The following TRIB1 variants were observed in gnomAD, a reference collection of about 807,000 sequenced individuals.
The protein encoded by TRIB1 is tribbles homolog 1.
In TRIB1, 12 loss-of-function variants were observed where a neutral mutation model predicts 27.8. The ratio of observed to expected loss-of-function variants is 0.43; its 90% CI spans 0.28 to 0.70. TRIB1 has a LOEUF of 0.70. TRIB1 is among the 30% of genes least tolerant of loss of function. The pLI, the probability that TRIB1 is intolerant of heterozygous loss-of-function variation, is 0.18. For missense variants in TRIB1, 475 were observed against 515.8 expected, an observed-to-expected ratio of 0.92 and a Z score of 0.77; for synonymous variants, 230 against 224.9, an observed-to-expected ratio of 1.02 and a Z score of -0.20.
Position 125,436,746 on chromosome 8 carries a change from G to A in TRIB1, c.*275G>A. 1 of 524,506 alleles carries A rather than the reference G, an allele frequency of 1.9e-6. No individual in the cohort carries two copies. The highest frequency in any genetic ancestry group is 3.3e-5 in the East Asian group (1 of 30,578). 32.5% of individuals were successfully genotyped at this position (524,506 alleles called of 1,614,324 possible). A position where few individuals can be genotyped will look rare whatever the true frequency, so the allele number is the denominator to read the frequency against. ...TTGGGAGTTCCGCATCTTTTGTGGA[G>A]GGCAGAGTATGGACATCTTACACCC... is the stretch of plus-strand genomic sequence containing the variant. On this transcript the variant is annotated 3_prime_UTR_variant, in exon 3 of 3. Transcript: ENST00000311922.
At position 125,430,914 on chromosome 8, in the gene TRIB1, T is replaced by G; in HGVS notation, c.12T>G (p.Gly4=). Residue 4 remains glycine, a synonymous_variant, in exon 1 of 3, where the codon GGT becomes GGG. Transcript: ENST00000311922. MRV[G]PVRSAMSGAS... Reference sequence around the variant, plus strand: ...CGGCCCAGGACGGGATGCGGGTCGGTCCGGTGCGCTCTGCCATGAGCGGCG... The same window carrying G: ...CGGCCCAGGACGGGATGCGGGTCGGGCCGGTGCGCTCTGCCATGAGCGGCG... 6.9e-7 allele frequency: 1 copy of G among 1,452,982 alleles called. No individual in the cohort carries two copies. Among genetic ancestry groups the G allele is most frequent in the Non-Finnish European group, 9.0e-7 (1 of 1,110,136 alleles). The allele number at this position is 1,452,982 out of a possible 1,614,324, so 90.0% of individuals were successfully genotyped here.
At chr8:125,435,877 AC>A in intron 2 of TRIB1, 128 bp from the exon 3 acceptor site, 1 of 732,878 alleles carries the variant, frequency 1.4e-6, no homozygotes, top group South Asian at 1.9e-5. Context: ...GGCACTGCTT[AC>A]TGGACGAAGG....
In TRIB1 at chr8:125,431,117, C is replaced by G; in HGVS notation, c.215C>G (p.Pro72Arg). 1 of 1,323,148 alleles carries G rather than the reference C, an allele frequency of 7.6e-7. No individual in the cohort carries two copies. Among genetic ancestry groups the G allele is most frequent in the South Asian group, 2.2e-5 (1 of 45,930 alleles). The allele number at this position is 1,323,148 out of a possible 1,614,324, so 82.0% of individuals were successfully genotyped here. The change falls in exon 1 of 3, where the codon CCG becomes CGG. Residue 72 changes from proline to arginine, a missense_variant. Physicochemically the swap from Pro to Arg is moderately radical, Grantham distance 103. Transcript: ENST00000311922. ...GGCTCGCCCTGCAGCCCGCAGCCCC[C>G]GCCTGCCGCTCCGGGGGCCGGCGGA... Reference protein sequence around the residue: ...PPGSPCSPQPPPAAPGAGGGS... With the variant: ...PPGSPCSPQPRPAAPGAGGGS...
chr8:125,432,980 CA>C (rs1438609892), intron 1 of TRIB1: 2 of 237,958 alleles, frequency 8.4e-6, no homozygotes, highest in Admixed American at 1.0e-4. Flanking sequence ...GGCCTGCAAA[CA>C]GGAAAGGGCC....
chr8:125,432,061 C>A (rs1197176297), intron 1 of TRIB1: 1 of 163,266 alleles, frequency 6.1e-6, no homozygotes, highest in African/African-American at 2.4e-5. Context: ...GCGTGGCACC[C>A]CTGCTTGAGG....
In TRIB1 at chr8:125,436,313, C is replaced by T. The variant is rs777006839; in HGVS notation, c.961C>T (p.Arg321Trp). 7 of 1,614,030 alleles carry T rather than the reference C, an allele frequency of 4.3e-6. No individual in the cohort carries two copies. Among genetic ancestry groups the T allele is most frequent in the Non-Finnish European group, 4.2e-6 (5 of 1,180,030 alleles). ...GTGCCTCATTCGCAGCCTCTTGAGACGGGAGCCCTCCGAGAGACTCACTGC... is the reference window on the plus strand; with the variant it reads ...GTGCCTCATTCGCAGCCTCTTGAGATGGGAGCCCTCCGAGAGACTCACTGC... ...ARCLIRSLLR[R>W]EPSERLTAPE... Residue 321 changes from arginine (R) to tryptophan (W), a missense_variant, in exon 3 of 3, where the codon CGG becomes TGG. Physicochemically the swap from Arg to Trp is moderately radical, Grantham distance 101. Transcript: ENST00000311922.
At position 125,433,889 on chromosome 8, in the gene TRIB1, G is replaced by A; in HGVS notation, c.653+280G>A. On this transcript the variant is annotated intron_variant, in intron 2 of 2. Coordinates refer to ENST00000311922, the MANE Select transcript of TRIB1 (RefSeq NM_025195.4). This position sits in a 1 kb window ranked among gnomAD's most constrained non-coding sequence, Gnocchi z 4.4. ...CCCAGGATCAGGTTCATTCCCCATTGTTGTCAGAAAGGTCAGTTGTCTGGG... is the reference window on the plus strand; with the variant it reads ...CCCAGGATCAGGTTCATTCCCCATTATTGTCAGAAAGGTCAGTTGTCTGGG... 2.3e-6 allele frequency: 1 copy of A among 428,718 alleles called. No homozygotes were observed. Among genetic ancestry groups the A allele is most frequent in the South Asian group, 3.6e-5 (1 of 27,592 alleles). 26.6% of individuals were successfully genotyped at this position (428,718 alleles called of 1,614,324 possible).
chr8:125,433,258 G>T lies in TRIB1; in HGVS notation c.361-59G>T. 1.3e-6 allele frequency: 2 copies of T among 1,554,590 alleles called. No homozygotes were observed. Among genetic ancestry groups the T allele is most frequent in the Non-Finnish European group, 1.8e-6 (2 of 1,138,488 alleles). ...GAACTTCTGTTCAGCTCCCTCAGGG[G>T]TTTGGGAGGCTGCCTTTGCTTTTCT... On this transcript the variant is annotated intron_variant, in intron 1 of 2. Transcript: ENST00000311922. The surrounding 1 kb of genome is among the most constrained non-coding windows in gnomAD (Gnocchi z 4.4).
At position 125,433,060 on chromosome 8, in the gene TRIB1, T is replaced by G; in HGVS notation, c.361-257T>G. On this transcript the variant is annotated intron_variant, in intron 1 of 2. Transcript: ENST00000311922. This position sits in a 1 kb window ranked among gnomAD's most constrained non-coding sequence, Gnocchi z 4.4. ...GATGGGAACATGTACAGGAGACAGT[T>G]CTTTCAAATCATCTGTGTGAAAGCG... 1 of 479,634 alleles carries G rather than the reference T, an allele frequency of 2.1e-6. No individual in the cohort carries two copies. The highest frequency in any genetic ancestry group is 3.8e-6 in the Non-Finnish European group (1 of 265,516). 29.7% of individuals were successfully genotyped at this position (479,634 alleles called of 1,614,324 possible).
intron 2 of TRIB1, among the ~76,000 whole-genome samples, chr8:125,435,432 TG>T (rs1470931787): frequency 6.6e-6 from 1 of 152,204 alleles, no homozygotes; most frequent in Non-Finnish European, 1.5e-5. Context: ...TGTTGCAGCC[TG>T]GGCCCAGGAG....
Position 125,433,299 on chromosome 8 carries a change from C to G in TRIB1, c.361-18C>G, listed in dbSNP as rs762317581. 14 of 1,601,038 alleles carry G rather than the reference C, an allele frequency of 8.7e-6. No homozygotes were observed. Among genetic ancestry groups the G allele is most frequent in the Middle Eastern group, 1.7e-4 (1 of 6,018 alleles). Reference sequence around the variant, plus strand: ...TTGCTTTTCTAGCCCCCTAAACGGGCCCCCCTTCTCTCTACAGGTGTTTCC... The same window carrying G: ...TTGCTTTTCTAGCCCCCTAAACGGGGCCCCCTTCTCTCTACAGGTGTTTCC... On this transcript the variant is annotated intron_variant, in intron 1 of 2. Transcript: ENST00000311922. This position sits in a 1 kb window ranked among gnomAD's most constrained non-coding sequence, Gnocchi z 4.4.
At position 125,433,157 on chromosome 8, in the gene TRIB1, G is replaced by A; in HGVS notation, c.361-160G>A. ...GTTTTAAAGGTGTCAGGGGCAGCTG[G>A]GGCTGCGTAAGGTAAGGTGGCAGAG... On this transcript the variant is annotated intron_variant, in intron 1 of 2. Transcript: ENST00000311922. The surrounding 1 kb of genome is among the most constrained non-coding windows in gnomAD (Gnocchi z 4.4). 2 of 748,272 alleles carry A rather than the reference G, an allele frequency of 2.7e-6. No individual in the cohort carries two copies. Among genetic ancestry groups the A allele is most frequent in the Non-Finnish European group, 4.4e-6 (2 of 451,418 alleles). 46.4% of individuals were successfully genotyped at this position (748,272 alleles called of 1,614,324 possible). A position where few individuals can be genotyped will look rare whatever the true frequency, so the allele number is the denominator to read the frequency against.
chr8:125,432,954 G>T, intron 1 of TRIB1: 1 of 201,768 alleles, frequency 5.0e-6, no homozygotes, highest in Non-Finnish European at 1.0e-5. Context: ...CCTTCTATCA[G>T]CCACTCAACT....
At chr8:125,432,348 A>T in intron 1 of TRIB1, 3 of 115,712 alleles carry the variant, frequency 2.6e-5, no homozygotes, top group Non-Finnish European at 5.3e-5. Context: ...GTGGGATGGG[A>T]TGGGATGGGG....
At chr8:125,434,464 G>A (rs1351876569) in intron 2 of TRIB1, among the ~76,000 whole-genome samples, 3 of 152,216 alleles carry the variant, frequency 2.0e-5, no homozygotes, top group Admixed American at 6.5e-5. Context: ...TGACTCCAGA[G>A]CATATGAAAC....
At position 125,430,581 on chromosome 8, in the gene TRIB1, C is replaced by T; in HGVS notation, c.-322C>T. On this transcript the variant is annotated 5_prime_UTR_variant, in exon 1 of 3. Coordinates refer to ENST00000311922, the MANE Select transcript of TRIB1 (RefSeq NM_025195.4). ...GATCGCTGACCGCTGCCGCCGCCGC[C>T]TCTGCCTCCCGGACTATCGGCAGCC... is the stretch of plus-strand genomic sequence containing the variant. The T allele has an allele frequency of 3.8e-6, 1 of 263,194 alleles. No individual in the cohort carries two copies. 16.3% of individuals were successfully genotyped at this position (263,194 alleles called of 1,614,324 possible). A position where few individuals can be genotyped will look rare whatever the true frequency, so the allele number is the denominator to read the frequency against.
Position 125,430,704 on chromosome 8 carries a change from A to T in TRIB1, c.-199A>T. The T allele has an allele frequency of 1.6e-6, 1 of 628,108 alleles. No homozygotes were observed. Among genetic ancestry groups the T allele is most frequent in the Non-Finnish European group, 2.3e-6 (1 of 430,546 alleles). 38.9% of individuals were successfully genotyped at this position (628,108 alleles called of 1,614,324 possible). On this transcript the variant is annotated 5_prime_UTR_variant, in exon 1 of 3. Transcript: ENST00000311922. ...GCCGGCCTCCGCCTCCCGGACGCAC[A>T]GCCAGCGTGGTCCCCGCGTGCAACG... is the stretch of plus-strand genomic sequence containing the variant.
chr8:125,436,561 A>G lies in TRIB1; in HGVS notation c.*90A>G. On this transcript the variant is annotated 3_prime_UTR_variant, in exon 3 of 3. Transcript: ENST00000311922. ...GGCCCTTTGGCGTGGTACCAACCAG[A>G]TAATGACTGCATCAGGATGAAAGCT... is the stretch of plus-strand genomic sequence containing the variant. 1 of 1,242,164 alleles carries G rather than the reference A, an allele frequency of 8.1e-7. No homozygotes were observed. Among genetic ancestry groups the G allele is most frequent in the Non-Finnish European group, 1.1e-6 (1 of 882,888 alleles). 76.9% of individuals were successfully genotyped at this position (1,242,164 alleles called of 1,614,324 possible). A position where few individuals can be genotyped will look rare whatever the true frequency, so the allele number is the denominator to read the frequency against.
At position 125,430,805 on chromosome 8, in the gene TRIB1, C is replaced by G; in HGVS notation, c.-98C>G. On this transcript the variant is annotated 5_prime_UTR_variant, in exon 1 of 3. Transcript: ENST00000311922. Reference sequence around the variant, plus strand: ...GACCAGTCTGCAAACTCCATCCCGCCGGCTGGAAGAAGTCGCGGAGCCGGC... The same window carrying G: ...GACCAGTCTGCAAACTCCATCCCGCGGGCTGGAAGAAGTCGCGGAGCCGGC... 1 of 1,322,732 alleles carries G rather than the reference C, an allele frequency of 7.6e-7. No individual in the cohort carries two copies. 81.9% of individuals were successfully genotyped at this position (1,322,732 alleles called of 1,614,324 possible). A position where few individuals can be genotyped will look rare whatever the true frequency, so the allele number is the denominator to read the frequency against.
Sources: allele counts gnomAD v4.1 joint callset (sites outside exome capture counted in the v4.1 genomes callset), GRCh38; gene constraint gnomAD v4.1.1; non-coding constraint Gnocchi (gnomAD v3.1); transcripts MANE v1.5; gene names NCBI Gene and HGNC (gene_info 2026-07-23, HGNC 2026-07-21).